The following IL15RA variants were observed in gnomAD, a reference collection of about 807,000 sequenced individuals.
IL15RA encodes the protein interleukin-15 receptor subunit alpha.
In IL15RA, 26 loss-of-function variants were observed where a neutral mutation model predicts 24.2. The ratio of observed to expected loss-of-function variants is 1.07; its 90% CI spans 0.79 to 1.49. The LOEUF is 1.49. IL15RA is among the 40% of genes most tolerant of loss of function. IL15RA has a pLI of 0.00. For missense variants in IL15RA, 354 were observed against 356.4 expected (o/e 0.99, Z 0.05); for synonymous variants, 166 against 157.6 (o/e 1.05, Z -0.40).
Position 5,961,559 on chromosome 10 carries a change from C to T in IL15RA, c.383-992G>A, listed in dbSNP as rs750754928. On this transcript the variant is annotated intron_variant, in intron 3 of 6. Transcript: ENST00000379977. This position sits in a 1 kb window ranked among gnomAD's most constrained non-coding sequence, Gnocchi z 5.2. Reference sequence around the variant, plus strand: ...ACGCTCGGAGCGGCTGCGTGTGAAACACGGGAAGCCTGGGCTCTGGCCTGA... The same window carrying T: ...ACGCTCGGAGCGGCTGCGTGTGAAATACGGGAAGCCTGGGCTCTGGCCTGA... 2.6e-4 allele frequency among the ~76,000 whole-genome samples: 39 copies of T among 152,270 alleles called. No individual in the cohort carries two copies. Among genetic ancestry groups the T allele is most frequent in the Non-Finnish European group, 4.6e-4 (31 of 68,048 alleles).
At position 5,961,872 on chromosome 10, in the gene IL15RA, G is replaced by T. The variant is rs8177694; in HGVS notation, c.383-1305C>A. Among the ~76,000 whole-genome samples the T allele has an allele frequency of 0.14, 21,801 of 152,236 alleles. 1,838 individuals are homozygous for T. The highest frequency in any genetic ancestry group is 0.2 in the Middle Eastern group (60 of 294). On this transcript the variant is annotated intron_variant, in intron 3 of 6. Transcript: ENST00000379977. This position sits in a 1 kb window ranked among gnomAD's most constrained non-coding sequence, Gnocchi z 5.2. ...TCCCAGCCACACAGGTCATGAGAAG[G>T]CCTCACGCCCCTTAATCCTGTGTCA... is the stretch of plus-strand genomic sequence containing the variant.
rs577318266 is a variant in IL15RA, at chr10:5,961,530, G to A, written c.383-963C>T. Among the ~76,000 whole-genome samples the A allele has an allele frequency of 5.3e-5, 8 of 152,376 alleles. No homozygotes were observed. Among genetic ancestry groups the A allele is most frequent in the South Asian group, 2.1e-4 (1 of 4,834 alleles). Reference sequence around the variant, plus strand: ...GAGAGCAGGTGAAGCTGCGCTGGCCGAGGACGCTCGGAGCGGCTGCGTGTG... The same window carrying A: ...GAGAGCAGGTGAAGCTGCGCTGGCCAAGGACGCTCGGAGCGGCTGCGTGTG... On this transcript the variant is annotated intron_variant, in intron 3 of 6. Transcript: ENST00000379977. This position sits in a 1 kb window ranked among gnomAD's most constrained non-coding sequence, Gnocchi z 5.2.
Position 5,961,821 on chromosome 10 carries a change from A to G in IL15RA, c.383-1254T>C, listed in dbSNP as rs1231540793. On this transcript the variant is annotated intron_variant, in intron 3 of 6. Coordinates refer to ENST00000379977, the MANE Select transcript of IL15RA (RefSeq NM_002189.4). This position sits in a 1 kb window ranked among gnomAD's most constrained non-coding sequence, Gnocchi z 5.2. ...CCAAGCGCTGTGGCTCTCTGGACGCACTGTTGTTGCCGCGTTCCCATGGTC... is the reference window on the plus strand; with the variant it reads ...CCAAGCGCTGTGGCTCTCTGGACGCGCTGTTGTTGCCGCGTTCCCATGGTC... Among the ~76,000 whole-genome samples the G allele has an allele frequency of 1.3e-5, 2 of 152,240 alleles. No homozygotes were observed. The highest frequency in any genetic ancestry group is 1.9e-4 in the East Asian group (1 of 5,198).
At chr10:5,972,578 C>G (rs761810247) in intron 1 of IL15RA, among the ~76,000 whole-genome samples, 12 of 152,180 alleles carry the variant, frequency 7.9e-5, no homozygotes, top group Admixed American at 2.0e-4. Flanking sequence ...TATTTATTTA[C>G]TTTTCTTATT....
chr10:5,976,301 T>C (rs1261926378), intron 1 of IL15RA, among the ~76,000 whole-genome samples: 1 of 151,982 alleles, frequency 6.6e-6, no homozygotes. Context: ...TGGGGGGGCG[T>C]TCAGGCCACA....
At chr10:5,978,524 T>C (rs371335545), upstream of IL15RA, among the ~76,000 whole-genome samples, 59 of 152,256 alleles carry the variant, frequency 3.9e-4, no homozygotes, top group Middle Eastern at 3.4e-3. This position sits in a 1 kb window ranked among gnomAD's most constrained non-coding sequence, Gnocchi z 5.2. Context: ...AACGAAATAA[T>C]CTGTACAATA....
chr10:5,976,328 G>A (rs1589268406), intron 1 of IL15RA, among the ~76,000 whole-genome samples: 1 of 152,366 alleles, frequency 6.6e-6, no homozygotes, highest in East Asian at 1.9e-4. Context: ...AGCAGCAACT[G>A]TGCGTGGAAT....
rs367757018 is a variant in IL15RA, at chr10:5,959,817, C to T, written c.584-31G>A. The T allele has an allele frequency of 2.5e-4, 398 of 1,612,248 alleles. 3 individuals carry two copies. The South Asian group carries it at 3.6e-3, about 15-fold the overall frequency. On this transcript the variant is annotated intron_variant, in intron 4 of 6. Transcript: ENST00000379977. This position sits in a 1 kb window ranked among gnomAD's most constrained non-coding sequence, Gnocchi z 4.1. ...GAAAAGAGAGGACAGCATCACGGCTCGAGTCCTAGAGGTCCTAGTTCCTCA... is the reference window on the plus strand; with the variant it reads ...GAAAAGAGAGGACAGCATCACGGCTTGAGTCCTAGAGGTCCTAGTTCCTCA...
At position 5,952,742 on chromosome 10, in the gene IL15RA, G is replaced by T; in HGVS notation, c.*353C>A. 3.5e-6 allele frequency: 1 copy of T among 289,108 alleles called. No homozygotes were observed. Among genetic ancestry groups the T allele is most frequent in the Non-Finnish European group, 6.5e-6 (1 of 154,428 alleles). 17.9% of individuals were successfully genotyped at this position (289,108 alleles called of 1,614,324 possible). A position where few individuals can be genotyped will look rare whatever the true frequency, so the allele number is the denominator to read the frequency against. On this transcript the variant is annotated 3_prime_UTR_variant, in exon 7 of 7. Coordinates refer to ENST00000379977, the MANE Select transcript of IL15RA (RefSeq NM_002189.4). ...TTCTCTGTGAACTGAAAGTTAGGAT[G>T]AGGGACGGAAGATTCGGGGCAGGGT...
chr10:5,966,362 G>A lies in IL15RA; in HGVS notation c.89-23C>T. On this transcript the variant is annotated intron_variant, in intron 1 of 6. Coordinates refer to ENST00000379977, the MANE Select transcript of IL15RA (RefSeq NM_002189.4). The surrounding 1 kb of genome is among the most constrained non-coding windows in gnomAD (Gnocchi z 6.4). ...TGCCTGCGAAAGTGCAGAGGACAGGGGACGGTGAAGAGGTTTCCACTTGTA... is the reference window on the plus strand; with the variant it reads ...TGCCTGCGAAAGTGCAGAGGACAGGAGACGGTGAAGAGGTTTCCACTTGTA... 6.3e-7 allele frequency: 1 copy of A among 1,590,660 alleles called. No homozygotes were observed. The highest frequency in any genetic ancestry group is 2.3e-5 in the East Asian group (1 of 44,296).
rs374960191 is a variant in IL15RA, at chr10:5,960,577, A to G, written c.383-10T>C. The G allele has an allele frequency of 1.4e-5, 23 of 1,612,500 alleles. No individual in the cohort carries two copies. Among genetic ancestry groups the G allele is most frequent in the Non-Finnish European group, 1.8e-5 (21 of 1,179,290 alleles). ...GATGAAGCTGCGGGCTCTGTAGGAGAGTCCAAGGCAGGGACAACATCAGTG... is the reference window on the plus strand; with the variant it reads ...GATGAAGCTGCGGGCTCTGTAGGAGGGTCCAAGGCAGGGACAACATCAGTG... On this transcript the variant is annotated splice_polypyrimidine_tract_variant and intron_variant, in intron 3 of 6. Transcript: ENST00000379977. This position sits in a 1 kb window ranked among gnomAD's most constrained non-coding sequence, Gnocchi z 5.1.
chr10:5,954,710 A>T (rs1470417787), intron 6 of IL15RA, among the ~76,000 whole-genome samples: 4 of 152,114 alleles, frequency 2.6e-5, no homozygotes, highest in African/African-American at 7.3e-5. Flanking sequence ...TGTATTATTC[A>T]TAAAGAGATG....
downstream of IL15RA, chr10:5,950,890 C>G (rs3181151): frequency 0.12 from 18,596 of 152,232 alleles, 1,297 homozygotes; most frequent in South Asian, 0.18. The surrounding 1 kb of genome is among the most constrained non-coding windows in gnomAD (Gnocchi z 5.6). Context: ...GTAATCCCAG[C>G]ACTTTGGGAG....
At chr10:5,976,574 T>TA (rs2132760333) in intron 1 of IL15RA, among the ~76,000 whole-genome samples, 1 of 152,232 alleles carries the variant, frequency 6.6e-6, no homozygotes, top group South Asian at 2.1e-4. Flanking sequence ...GCTCCCTGAC[T>TA]ATAAAAAGAT....
In IL15RA at chr10:5,968,357, G is replaced by C. The variant is rs1227582134; in HGVS notation, c.89-2018C>G. ...AGGCAGGCTGGGGGCAGGGTGGGAG[G>C]GGAGAAATCTCAAATTCAAGATTGT... On this transcript the variant is annotated intron_variant, in intron 1 of 6. Transcript: ENST00000379977. The surrounding 1 kb of genome is among the most constrained non-coding windows in gnomAD (Gnocchi z 5.4). Among the ~76,000 whole-genome samples, 1 of 151,816 alleles carries C rather than the reference G, an allele frequency of 6.6e-6. No homozygotes were observed. Among genetic ancestry groups the C allele is most frequent in the African/African-American group, 2.4e-5 (1 of 41,310 alleles).
rs537570790 is a variant in IL15RA at position 5,961,033 on chromosome 10, G to A, written c.383-466C>T. Among the ~76,000 whole-genome samples, 1 of 152,238 alleles carries A rather than the reference G, an allele frequency of 6.6e-6. No homozygotes were observed. The highest frequency in any genetic ancestry group is 1.9e-4 in the East Asian group (1 of 5,176). On this transcript the variant is annotated intron_variant, in intron 3 of 6. Coordinates refer to ENST00000379977, the MANE Select transcript of IL15RA (RefSeq NM_002189.4). The surrounding 1 kb of genome is among the most constrained non-coding windows in gnomAD (Gnocchi z 5.2). ...GGTTCAGGCAATTCTCCCTGCCTCAGCCTCCCAAGTAGCTGGAATTACAGG... is the reference window on the plus strand; with the variant it reads ...GGTTCAGGCAATTCTCCCTGCCTCAACCTCCCAAGTAGCTGGAATTACAGG...
At position 5,973,732 on chromosome 10, in the gene IL15RA, A is replaced by G. The variant is rs1478729185; in HGVS notation, c.88+3673T>C. On this transcript the variant is annotated intron_variant, in intron 1 of 6. Coordinates refer to ENST00000379977, the MANE Select transcript of IL15RA (RefSeq NM_002189.4). The surrounding 1 kb of genome is among the most constrained non-coding windows in gnomAD (Gnocchi z 4.5). ...CTATAAAACTTCTAGAGGAACACATAGAAGTAAACCTTTGTAACCTTAGGC... is the reference window on the plus strand; with the variant it reads ...CTATAAAACTTCTAGAGGAACACATGGAAGTAAACCTTTGTAACCTTAGGC... Among the ~76,000 whole-genome samples, 1 of 152,266 alleles carries G rather than the reference A, an allele frequency of 6.6e-6. No homozygotes were observed. The highest frequency in any genetic ancestry group is 1.9e-4 in the East Asian group (1 of 5,206).
chr10:5,959,453 A>G lies in IL15RA; in HGVS notation c.616+301T>C, dbSNP rs1331999796. Among the ~76,000 whole-genome samples the G allele has an allele frequency of 3.3e-5, 5 of 152,212 alleles. No homozygotes were observed. The highest frequency in any genetic ancestry group is 7.3e-5 in the Non-Finnish European group (5 of 68,042). On this transcript the variant is annotated intron_variant, in intron 5 of 6. Coordinates refer to ENST00000379977, the MANE Select transcript of IL15RA (RefSeq NM_002189.4). The surrounding 1 kb of genome is among the most constrained non-coding windows in gnomAD (Gnocchi z 4.1). ...TGTAGTTTTGGATGCTCCATGCAAA[A>G]GAGGTGCACCCTGCTGTGAAGAGCT...
chr10:5,963,900 T>C lies in IL15RA; in HGVS notation c.284-59A>G. ...CCTGAGCCTGGAACCTGGGCTGGCT[T>C]CAGAACGGGATACAAATAAAATATA... is the stretch of plus-strand genomic sequence containing the variant. On this transcript the variant is annotated intron_variant, in intron 2 of 6. Transcript: ENST00000379977. This position sits in a 1 kb window ranked among gnomAD's most constrained non-coding sequence, Gnocchi z 5.3. 1 of 1,073,862 alleles carries C rather than the reference T, an allele frequency of 9.3e-7. No individual in the cohort carries two copies. Among genetic ancestry groups the C allele is most frequent in the Non-Finnish European group, 1.3e-6 (1 of 746,272 alleles). The allele number at this position is 1,073,862 out of a possible 1,614,324, so 66.5% of individuals were successfully genotyped here.
Sources: gnomAD v4.1 joint callset for allele counts (sites outside exome capture counted in the v4.1 genomes callset) on GRCh38, gnomAD v4.1.1 for gene constraint, Gnocchi (gnomAD v3.1) non-coding constraint, MANE v1.5 for transcripts, NCBI Gene and HGNC (gene_info 2026-07-23, HGNC 2026-07-21) for gene names.